CSTF1: variants seen among roughly 807,000 people sequenced by gnomAD.
CSTF1 encodes cleavage stimulation factor subunit 1.
CSTF1 carries 2 observed loss-of-function variants against 40.9 expected under a neutral mutation model. The observed-to-expected ratio is 0.05, with a 90% confidence interval of 0.02 to 0.15. The LOEUF is 0.15. Ranked by LOEUF, CSTF1 falls within the 10% of genes least tolerant of loss-of-function variation. The probability of loss-of-function intolerance (pLI) is 1.00; values close to 1 mark genes in which losing one functional copy is unlikely to be tolerated. For missense variants in CSTF1, 279 were observed against 558.9 expected (o/e 0.50, Z 5.05); for synonymous variants, 218 against 207.2 (o/e 1.05, Z -0.45).
chr20:56,395,961 G>T, intron 2 of CSTF1: 1 of 412,700 alleles, frequency 2.4e-6, no homozygotes, highest in Non-Finnish European at 4.3e-6. Flanking sequence ...ACATTATCTG[G>T]AACACTCTGT....
At position 56,399,829 on chromosome 20, in the gene CSTF1, A is replaced by C. The variant is rs117909956; in HGVS notation, c.1036+472A>C. ...CCACGTTAATTCTGAATGCAGATAT[A>C]AAGTAGGCTCAGCAGACAGAAAAAA... On this transcript the variant is annotated intron_variant, in intron 5 of 5. Transcript: ENST00000217109. This position sits in a 1 kb window ranked among gnomAD's most constrained non-coding sequence, Gnocchi z 4.6. 0.012 allele frequency among the ~76,000 whole-genome samples: 1,829 copies of C among 152,362 alleles called. 26 individuals are homozygous for C. The highest frequency in any genetic ancestry group is 0.024 in the South Asian group (118 of 4,824).
intron 5 of CSTF1, among the ~76,000 whole-genome samples, chr20:56,400,569 G>A (rs962883957): frequency 6.6e-6 from 1 of 152,134 alleles, no homozygotes; most frequent in Admixed American, 6.5e-5. Context: ...TGTTTTGGGT[G>A]TTTTATAATA....
At chr20:56,401,294 G>T (rs533293207) in intron 5 of CSTF1, among the ~76,000 whole-genome samples, 9 of 152,268 alleles carry the variant, frequency 5.9e-5, no homozygotes, top group Non-Finnish European at 1.2e-4. Flanking sequence ...AAGGACAGGG[G>T]GCTGCAGAAG....
intron 5 of CSTF1, among the ~76,000 whole-genome samples, chr20:56,402,907 C>A (rs1209652869): frequency 6.0e-5 from 9 of 150,674 alleles, no homozygotes; most frequent in African/African-American, 2.0e-4. Flanking sequence ...TGCACTCCAG[C>A]CTGGCGACAG....
In CSTF1 at chr20:56,397,909, C is replaced by G; in HGVS notation, c.645+68C>G. ...CAATGAGCTATTGTACAACTATTCT[C>G]TTTTTAAAAGTAGTCTCAGTGATCA... On this transcript the variant is annotated intron_variant, in intron 4 of 5. Transcript: ENST00000217109. This position sits in a 1 kb window ranked among gnomAD's most constrained non-coding sequence, Gnocchi z 4.4. 4 of 1,290,490 alleles carry G rather than the reference C, an allele frequency of 3.1e-6. No homozygotes were observed. Among genetic ancestry groups the G allele is most frequent in the Non-Finnish European group, 3.3e-6 (3 of 911,084 alleles). 79.9% of individuals were successfully genotyped at this position (1,290,490 alleles called of 1,614,324 possible).
Position 56,404,133 on chromosome 20 carries a change from C to G in CSTF1, c.*406C>G, listed in dbSNP as rs996710027. 6.1e-6 allele frequency: 1 copy of G among 164,760 alleles called. No individual in the cohort carries two copies. The highest frequency in any genetic ancestry group is 2.4e-5 in the African/African-American group (1 of 41,844). The allele number at this position is 164,760 out of a possible 1,614,324, so 10.2% of individuals were successfully genotyped here. A position where few individuals can be genotyped will look rare whatever the true frequency, so the allele number is the denominator to read the frequency against. On this transcript the variant is annotated 3_prime_UTR_variant, in exon 6 of 6. Coordinates refer to ENST00000217109, the MANE Select transcript of CSTF1 (RefSeq NM_001324.3). The stretch of plus-strand genomic sequence containing the variant: ...TATTTCCCTTCCAGGTATATTTGAA[C>G]AGATAAGCAGGCATGCAGCTCTGAG...
At position 56,399,883 on chromosome 20, in the gene CSTF1, A is replaced by G. The variant is rs994034407; in HGVS notation, c.1036+526A>G. 9.9e-5 allele frequency among the ~76,000 whole-genome samples: 15 copies of G among 152,214 alleles called. No individual in the cohort carries two copies. Among genetic ancestry groups the G allele is most frequent in the African/African-American group, 3.4e-4 (14 of 41,460 alleles). ...GCATCCACTGAATTCTCATTTATGT[A>G]TGTTGGTCTCATTGGTAACAGTAGT... On this transcript the variant is annotated intron_variant, in intron 5 of 5. Transcript: ENST00000217109. This position sits in a 1 kb window ranked among gnomAD's most constrained non-coding sequence, Gnocchi z 4.6.
Position 56,397,063 on chromosome 20 carries a change from G to C in CSTF1, c.170-144G>C, listed in dbSNP as rs145508914. On this transcript the variant is annotated intron_variant, in intron 2 of 5. Coordinates refer to ENST00000217109, the MANE Select transcript of CSTF1 (RefSeq NM_001324.3). This position sits in a 1 kb window ranked among gnomAD's most constrained non-coding sequence, Gnocchi z 4.4. ...TAGCATGGGCAAAATACACAGTTTT[G>C]TAAAGTGTTAGGTGTCACGCGGCTC... The C allele has an allele frequency of 2.4e-6, 2 of 829,486 alleles. No individual in the cohort carries two copies. Among genetic ancestry groups the C allele is most frequent in the Admixed American group, 5.6e-5 (2 of 35,448 alleles). The allele number at this position is 829,486 out of a possible 1,614,324, so 51.4% of individuals were successfully genotyped here. A position where few individuals can be genotyped will look rare whatever the true frequency, so the allele number is the denominator to read the frequency against.
rs1174023910 is a variant in CSTF1 at position 56,404,371 on chromosome 20, C to T, written c.*644C>T. 1 of 152,180 alleles carries T rather than the reference C, an allele frequency of 6.6e-6. No homozygotes were observed. The highest frequency in any genetic ancestry group is 1.5e-5 in the Non-Finnish European group (1 of 68,038). The allele number at this position is 152,180 out of a possible 1,614,324, so 9.4% of individuals were successfully genotyped here. On this transcript the variant is annotated 3_prime_UTR_variant, in exon 6 of 6. Coordinates refer to ENST00000217109, the MANE Select transcript of CSTF1 (RefSeq NM_001324.3). ...ACATTATCCTTCAATATCTGCAATA[C>T]TTGTCTTTAGTAACTGTATTTCTGG...
At chr20:56,401,500 G>A (rs1569119331) in intron 5 of CSTF1, among the ~76,000 whole-genome samples, 2 of 152,174 alleles carry the variant, frequency 1.3e-5, no homozygotes. Context: ...ACAGTTTGGT[G>A]TCATATCAAA....
At chr20:56,402,241 A>G (rs1292537433) in intron 5 of CSTF1, among the ~76,000 whole-genome samples, 1 of 151,428 alleles carries the variant, frequency 6.6e-6, no homozygotes, top group African/African-American at 2.4e-5. Flanking sequence ...CAGGAGGCAG[A>G]GGTTGCAGTG....
In CSTF1 at chr20:56,397,248, C is replaced by G; in HGVS notation, c.211C>G (p.Arg71Gly). 6.2e-7 allele frequency: 1 copy of G among 1,614,148 alleles called. No homozygotes were observed. The highest frequency in any genetic ancestry group is 8.5e-7 in the Non-Finnish European group (1 of 1,180,032). The change falls in exon 3 of 6, where the codon CGT becomes GGT. Residue 71 changes from arginine (R) to glycine (G), a missense_variant. This residue lies in a region of CSTF1 where 66 missense variants were observed against 148.0 expected (regional missense o/e 0.45). Transcript: ENST00000217109. The surrounding 1 kb of genome is among the most constrained non-coding windows in gnomAD (Gnocchi z 4.4). ...DDTAVQYAIGRSDTVAPGTGI... is the reference protein window; with the variant it reads ...DDTAVQYAIGGSDTVAPGTGI... ...CACCGCAGTTCAGTATGCAATTGGT[C>G]GTTCAGATACTGTTGCCCCTGGCAC...
intron 2 of CSTF1, chr20:56,396,932 G>A (rs1987534408): frequency 2.8e-6 from 1 of 362,782 alleles, no homozygotes; most frequent in Non-Finnish European, 5.0e-6. Context: ...TGTAGTTGTA[G>A]ATAAAGTAGT....
intron 1 of CSTF1, among the ~76,000 whole-genome samples, chr20:56,393,880 C>T (rs1195132616): frequency 6.6e-6 from 1 of 152,154 alleles, no homozygotes; most frequent in Non-Finnish European, 1.5e-5. Flanking sequence ...GGGAAAGCCT[C>T]TTCCCGCCTG....
rs145604189 is a variant in CSTF1, at chr20:56,403,427, A to G, written c.1037-41A>G. ...TGCTAGAACGTTCTGAGGGTCTAAG[A>G]TGTGGACTTAGAAAGCTATCCCTCT... On this transcript the variant is annotated intron_variant, in intron 5 of 5. Coordinates refer to ENST00000217109, the MANE Select transcript of CSTF1 (RefSeq NM_001324.3). 1.5e-3 allele frequency: 2,339 copies of G among 1,609,548 alleles called. 25 individuals carry two copies. In the African/African-American group the frequency reaches 0.028, roughly 19 times the overall value.
chr20:56,399,461 G>A lies in CSTF1; in HGVS notation c.1036+104G>A. On this transcript the variant is annotated intron_variant, in intron 5 of 5. Coordinates refer to ENST00000217109, the MANE Select transcript of CSTF1 (RefSeq NM_001324.3). This position sits in a 1 kb window ranked among gnomAD's most constrained non-coding sequence, Gnocchi z 4.6. ...GAGCAACACAATATCTATGCATTGA[G>A]CAAGGCAGATGTTACCCTTTCTTAG... is the stretch of plus-strand genomic sequence containing the variant. 9.5e-7 allele frequency: 1 copy of A among 1,056,988 alleles called. No individual in the cohort carries two copies. Among genetic ancestry groups the A allele is most frequent in the Non-Finnish European group, 1.4e-6 (1 of 729,328 alleles). 65.5% of individuals were successfully genotyped at this position (1,056,988 alleles called of 1,614,324 possible). A position where few individuals can be genotyped will look rare whatever the true frequency, so the allele number is the denominator to read the frequency against.
In CSTF1 at chr20:56,405,113, A is replaced by G. The variant is rs1372802287; in HGVS notation, c.*1386A>G. ...CCTTATGATCTGCATAGGAGTACCTAGAAATATAATCTGGGATCATTTGAT... is the reference window on the plus strand; with the variant it reads ...CCTTATGATCTGCATAGGAGTACCTGGAAATATAATCTGGGATCATTTGAT... On this transcript the variant is annotated 3_prime_UTR_variant, in exon 6 of 6. Coordinates refer to ENST00000217109, the MANE Select transcript of CSTF1 (RefSeq NM_001324.3). 3 of 152,286 alleles carry G rather than the reference A, an allele frequency of 2.0e-5. No homozygotes were observed. The highest frequency in any genetic ancestry group is 3.9e-4 in the East Asian group (2 of 5,180). 9.4% of individuals were successfully genotyped at this position (152,286 alleles called of 1,614,324 possible). A position where few individuals can be genotyped will look rare whatever the true frequency, so the allele number is the denominator to read the frequency against.
At position 56,395,680 on chromosome 20, in the gene CSTF1, T is replaced by C. The variant is rs376963122; in HGVS notation, c.128T>C (p.Val43Ala). The C allele has an allele frequency of 1.9e-6, 3 of 1,614,102 alleles. No individual in the cohort carries two copies. The African/African-American group carries it at 4.0e-5, about 22-fold the overall frequency. Residue 43 changes from valine to alanine, a missense_variant, in exon 2 of 6, where the codon GTG (valine) becomes GCG (alanine). Val to Ala is a moderately conservative substitution (Grantham distance 64). Coordinates refer to ENST00000217109, the MANE Select transcript of CSTF1 (RefSeq NM_001324.3). ...ATCAATGAAATCAAGCCTCAGTCTG[T>C]GTGTGCACCCTCGGAGCAGCTCCTG... Reference protein sequence around the residue: ...GLINEIKPQSVCAPSEQLLHL... With the variant: ...GLINEIKPQSACAPSEQLLHL...
In CSTF1 at chr20:56,395,198, A is replaced by G. The variant is rs533012823; in HGVS notation, c.-32-323A>G. Among the ~76,000 whole-genome samples the G allele has an allele frequency of 3.9e-5, 6 of 152,358 alleles. No individual in the cohort carries two copies. The South Asian group carries it at 1.2e-3, about 32-fold the overall frequency. ...GAAGATTCTGGGATAACAATAAAGA[A>G]CAAAAATCATAGGTAGCTAGTTTGG... On this transcript the variant is annotated intron_variant, in intron 1 of 5. Transcript: ENST00000217109.
Sources: gnomAD v4.1 joint callset for allele counts (sites outside exome capture counted in the v4.1 genomes callset) on GRCh38, gnomAD v4.1.1 for gene constraint, gnomAD v4.1.1 regional missense constraint, Gnocchi (gnomAD v3.1) non-coding constraint, MANE v1.5 for transcripts, NCBI Gene and HGNC (gene_info 2026-07-23, HGNC 2026-07-21) for gene names.